The following PDE7B variants were observed in gnomAD, a reference collection of about 807,000 sequenced individuals.
PDE7B encodes the protein phosphodiesterase 7B.
PDE7B carries 29 observed loss-of-function variants against 56.2 expected under a neutral mutation model. The ratio of observed to expected loss-of-function variants is 0.52; its 90% CI spans 0.38 to 0.70. The LOEUF (loss-of-function observed/expected upper bound fraction) is 0.70, where lower values mean the gene tolerates loss of function less well. Among genes scored for constraint, PDE7B ranks in the 30% least tolerant of loss-of-function variants. The pLI is 0.00. For missense variants in PDE7B, 490 were observed against 565.0 expected (o/e 0.87, Z 1.35); for synonymous variants, 197 against 196.9 (o/e 1.00, Z 0.00).
intron 3 of PDE7B, among the ~76,000 whole-genome samples, chr6:136,145,915 T>G (rs766054161): frequency 5.9e-5 from 9 of 152,206 alleles, no homozygotes; most frequent in Non-Finnish European, 1.0e-4. Flanking sequence ...TCCCTCAAGC[T>G]CTGGATTTTA....
intron 3 of PDE7B, among the ~76,000 whole-genome samples, chr6:136,117,726 T>C (rs1312950998): frequency 6.6e-6 from 1 of 152,184 alleles, no homozygotes; most frequent in South Asian, 2.1e-4. Flanking sequence ...AGGCCAGGTG[T>C]GCACCCCTCT....
chr6:135,920,817 C>A (rs946468342), intron 1 of PDE7B, among the ~76,000 whole-genome samples: 1 of 152,166 alleles, frequency 6.6e-6, no homozygotes, highest in Non-Finnish European at 1.5e-5. Context: ...CCATTTCCTG[C>A]GCAGAGTATC....
At chr6:136,019,141 A>T (rs1776028337) in intron 2 of PDE7B, among the ~76,000 whole-genome samples, 2 of 152,148 alleles carry the variant, frequency 1.3e-5, no homozygotes, top group Admixed American at 1.3e-4. Context: ...AGTACTTATT[A>T]AAATTGATCT....
rs371530047 is a variant in PDE7B, at chr6:136,158,017, C to G, written c.711+2259C>G. On this transcript the variant is annotated intron_variant, in intron 8 of 12. Coordinates refer to ENST00000308191, the MANE Select transcript of PDE7B (RefSeq NM_018945.4). ...CAGGACATGACCTGGATCAAGAAAT[C>G]TTTACTCTGCATTAAGTTATAGATG... Among the ~76,000 whole-genome samples, 10 of 152,296 alleles carry G rather than the reference C, an allele frequency of 6.6e-5. No individual in the cohort carries two copies. The South Asian group carries it at 1.7e-3, about 25-fold the overall frequency.
chr6:135,981,449 T>A (rs982134769), intron 2 of PDE7B, among the ~76,000 whole-genome samples: 4 of 151,062 alleles, frequency 2.6e-5, no homozygotes, highest in Admixed American at 6.6e-5. Context: ...ATAATAATAA[T>A]AAAAACAGAC....
chr6:136,131,494 G>GTTTTTTTTTT lies in PDE7B; in HGVS notation c.167-15841_167-15832dup, dbSNP rs1201361799. On this transcript the variant is annotated intron_variant, in intron 3 of 12. Coordinates refer to ENST00000308191, the MANE Select transcript of PDE7B (RefSeq NM_018945.4). ...TATGCATCCCTGTGCATCCTGGCAG[G>GTTTTTTTTTT]TTTTTTTTTTTTTTTTTTTTTTTTT... Among the ~76,000 whole-genome samples, 8 of 84,712 alleles carry GTTTTTTTTTT rather than the reference G, an allele frequency of 9.4e-5. 1 individual carries two copies. The highest frequency in any genetic ancestry group is 2.4e-4 in the African/African-American group (5 of 21,128). The allele number at this position is 84,712 out of a possible 152,430, so 55.6% of individuals were successfully genotyped here.
At chr6:135,857,022 TTTCCTCCCTCCCTCCCTCCC>T (rs1775043400) in intron 1 of PDE7B, among the ~76,000 whole-genome samples, 1 of 114,864 alleles carries the variant, frequency 8.7e-6, no homozygotes. Flanking sequence ...TCTTACTCCT[TTTCCTCCCTCCCTCCCTCCC>T]TCCCTCCCTC....
At chr6:136,032,248 A>G (rs1776256770) in intron 2 of PDE7B, among the ~76,000 whole-genome samples, 1 of 152,196 alleles carries the variant, frequency 6.6e-6, no homozygotes, top group African/African-American at 2.4e-5. Context: ...AGCATATGAC[A>G]CAAAGCTGCA....
At chr6:135,933,248 T>C (rs1447311512) in intron 1 of PDE7B, among the ~76,000 whole-genome samples, 1 of 152,244 alleles carries the variant, frequency 6.6e-6, no homozygotes, top group African/African-American at 2.4e-5. Flanking sequence ...TAAATATGCA[T>C]GTATACATAT....
chr6:135,907,172 T>C (rs1776131078), intron 1 of PDE7B, among the ~76,000 whole-genome samples: 1 of 152,160 alleles, frequency 6.6e-6, no homozygotes, highest in African/African-American at 2.4e-5. Context: ...TTTTATAAAA[T>C]TCCTGGAGAC....
chr6:135,928,777 G>A (rs1774246954), intron 1 of PDE7B, among the ~76,000 whole-genome samples: 1 of 151,608 alleles, frequency 6.6e-6, no homozygotes, highest in Non-Finnish European at 1.5e-5. Flanking sequence ...ACACAAAGAT[G>A]GGAACAATAA....
At chr6:135,989,202 A>G (rs1190454056) in intron 2 of PDE7B, among the ~76,000 whole-genome samples, 1 of 152,236 alleles carries the variant, frequency 6.6e-6, no homozygotes, top group Non-Finnish European at 1.5e-5. Flanking sequence ...TGTGGATACA[A>G]TGGTTGACTA....
chr6:135,979,011 G>A lies in PDE7B; in HGVS notation c.82+31487G>A, dbSNP rs145185817. Reference sequence around the variant, plus strand: ...CCATTCAGTATGATATTGGCTGTGGGTCTGTCATAGACAGCTCTTATTATT... The same window carrying A: ...CCATTCAGTATGATATTGGCTGTGGATCTGTCATAGACAGCTCTTATTATT... On this transcript the variant is annotated intron_variant, in intron 2 of 12. Coordinates refer to ENST00000308191, the MANE Select transcript of PDE7B (RefSeq NM_018945.4). Among the ~76,000 whole-genome samples the A allele has an allele frequency of 3.5e-3, 527 of 151,994 alleles. 10 individuals are homozygous for A. Among genetic ancestry groups the A allele is most frequent in the African/African-American group, 0.012 (502 of 41,308 alleles).
At chr6:136,036,890 T>G (rs1776332909) in intron 2 of PDE7B, among the ~76,000 whole-genome samples, 1 of 152,228 alleles carries the variant, frequency 6.6e-6, no homozygotes. Context: ...ACAAACCCAA[T>G]TTGCTGGCAA....
intron 1 of PDE7B, among the ~76,000 whole-genome samples, chr6:135,890,624 T>C (rs1775794117): frequency 6.6e-6 from 1 of 152,172 alleles, no homozygotes; most frequent in South Asian, 2.1e-4. Context: ...GATCATTATA[T>C]ATCCACCAAA....
chr6:135,916,294 T>C (rs1486940116), intron 1 of PDE7B, among the ~76,000 whole-genome samples: 2 of 152,120 alleles, frequency 1.3e-5, no homozygotes, highest in Non-Finnish European at 2.9e-5. Context: ...ATTTTTCTGA[T>C]GAGTAATCAT....
chr6:135,894,572 G>A (rs1433973113), intron 1 of PDE7B, among the ~76,000 whole-genome samples: 2 of 152,110 alleles, frequency 1.3e-5, no homozygotes, highest in Non-Finnish European at 2.9e-5. Context: ...GGAGACAAAA[G>A]GAGAGAGGAG....
intron 2 of PDE7B, among the ~76,000 whole-genome samples, chr6:136,016,509 C>T (rs570254603): frequency 2.0e-5 from 3 of 152,332 alleles, no homozygotes; most frequent in Non-Finnish European, 2.9e-5. Flanking sequence ...ACTTTATCCT[C>T]GCTACAACTC....
chr6:135,990,167 C>T (rs1343550756), intron 2 of PDE7B, among the ~76,000 whole-genome samples: 1 of 150,642 alleles, frequency 6.6e-6, no homozygotes, highest in Admixed American at 6.7e-5. Flanking sequence ...ACCATCTCGG[C>T]TCACTGCAAC....
Sources: allele counts gnomAD v4.1 joint callset (sites outside exome capture counted in the v4.1 genomes callset), GRCh38; gene constraint gnomAD v4.1.1; transcripts MANE v1.5; gene names NCBI Gene and HGNC (gene_info 2026-07-23, HGNC 2026-07-21).